Variants in PLD5 observed in about 807,000 individuals in gnomAD.
PLD5 encodes phospholipase D family member 5.
PLD5 carries 36 observed loss-of-function variants against 61.1 expected under a neutral mutation model. The ratio of observed to expected loss-of-function variants is 0.59; its 90% confidence interval spans 0.45 to 0.78. The LOEUF (loss-of-function observed/expected upper bound fraction) is 0.78. PLD5 is among the 30% of genes least tolerant of loss of function. PLD5 has a pLI of 0.00. For synonymous variants in PLD5, 243 were observed against 242.8 expected, an observed-to-expected ratio of 1.00 and a Z score of -0.01; for missense variants, 515 against 644.4, an observed-to-expected ratio of 0.80 and a Z score of 2.17.
At position 242,245,658 on chromosome 1, in the gene PLD5, A is replaced by G. The variant is rs568289736; in HGVS notation, c.607+19679T>C. Among the ~76,000 whole-genome samples the G allele has an allele frequency of 3.5e-4, 54 of 152,318 alleles. 1 individual carries two copies. In the Middle Eastern group the frequency reaches 0.01, roughly 29 times the overall value. ...TTTGAGTCATTCACATTCAACATTC[A>G]TAAGTTGGCATTTTCAGCTGAGAAG... On this transcript the variant is annotated intron_variant, in intron 4 of 9. Coordinates refer to ENST00000536534, the MANE Select transcript of PLD5 (RefSeq NM_001372062.1).
chr1:242,325,423 A>G, intron 2 of PLD5, among the ~76,000 whole-genome samples: 1 of 111,388 alleles, frequency 9.0e-6, no homozygotes, highest in East Asian at 3.1e-4. Context: ...GGAGAGCGAG[A>G]GAAAGGGGTG....
intron 9 of PLD5, among the ~76,000 whole-genome samples, chr1:242,092,955 G>A (rs1038023712): frequency 6.6e-6 from 1 of 152,044 alleles, no homozygotes; most frequent in African/African-American, 2.4e-5. Context: ...GCAGAGAGAG[G>A]GACCTGCCCC....
At chr1:242,316,758 C>T (rs1658024958) in intron 2 of PLD5, among the ~76,000 whole-genome samples, 2 of 152,066 alleles carry the variant, frequency 1.3e-5, no homozygotes, top group Non-Finnish European at 2.9e-5. Context: ...GCTCCTCTCC[C>T]TCCTCCCACC....
At chr1:242,335,916 GTTAT>G in intron 2 of PLD5, among the ~76,000 whole-genome samples, 1 of 152,230 alleles carries the variant, frequency 6.6e-6, no homozygotes, top group East Asian at 1.9e-4. Context: ...TGTGAGTGAT[GTTAT>G]TTATTTTGTT....
chr1:242,201,391 A>G (rs1013506482), intron 5 of PLD5, among the ~76,000 whole-genome samples: 1 of 152,234 alleles, frequency 6.6e-6, no homozygotes, highest in Non-Finnish European at 1.5e-5. Context: ...TATGAAAGCC[A>G]AGAAGTAACA....
At chr1:242,233,920 A>G (rs893076588) in intron 4 of PLD5, among the ~76,000 whole-genome samples, 1 of 152,172 alleles carries the variant, frequency 6.6e-6, no homozygotes, top group African/African-American at 2.4e-5. Context: ...CAGCATTGTG[A>G]AGGAAATATG....
intron 1 of PLD5, among the ~76,000 whole-genome samples, chr1:242,417,232 C>G (rs1205965252): frequency 6.6e-6 from 1 of 152,080 alleles, no homozygotes; most frequent in Non-Finnish European, 1.5e-5. Flanking sequence ...GGAGGTGGGA[C>G]TAAACTCAGG....
chr1:242,387,933 T>C (rs1433931540), intron 1 of PLD5, among the ~76,000 whole-genome samples: 1 of 152,074 alleles, frequency 6.6e-6, no homozygotes. Context: ...GTTGTTTGTT[T>C]ACTGCCACAA....
rs112246103 is a variant in PLD5, at chr1:242,329,273, G to C, written c.326+18833C>G. Among the ~76,000 whole-genome samples the C allele has an allele frequency of 7.9e-3, 1,202 of 152,248 alleles. 14 individuals carry two copies. Among genetic ancestry groups the C allele is most frequent in the African/African-American group, 0.027 (1,137 of 41,534 alleles). On this transcript the variant is annotated intron_variant, in intron 2 of 9. Coordinates refer to ENST00000536534, the MANE Select transcript of PLD5 (RefSeq NM_001372062.1). Reference sequence around the variant, plus strand: ...GATCTACCCGACTCAGCCTCCCAAAGTGCTGGGATTATACGCATGAGCCAC... The same window carrying C: ...GATCTACCCGACTCAGCCTCCCAAACTGCTGGGATTATACGCATGAGCCAC...
At chr1:242,397,740 A>G (rs960135441) in intron 1 of PLD5, among the ~76,000 whole-genome samples, 6 of 150,960 alleles carry the variant, frequency 4.0e-5, no homozygotes, top group African/African-American at 1.5e-4. Context: ...TCCTGTGGGA[A>G]TTCTTCCTGG....
At chr1:242,377,247 G>A in intron 1 of PLD5, 6 of 1,610,942 alleles carry the variant, frequency 3.7e-6, no homozygotes, top group Non-Finnish European at 5.1e-6. Flanking sequence ...TTTGTGCTGA[G>A]GGACGTGTTC....
At chr1:242,467,066 T>C (rs1667299804) in intron 1 of PLD5, among the ~76,000 whole-genome samples, 1 of 152,224 alleles carries the variant, frequency 6.6e-6, no homozygotes, top group South Asian at 2.1e-4. Flanking sequence ...AACAATAATA[T>C]ATTTCAAAAT....
At chr1:242,364,268 T>C (rs397834461) in intron 1 of PLD5, among the ~76,000 whole-genome samples, 9 of 152,222 alleles carry the variant, frequency 5.9e-5, no homozygotes, top group African/African-American at 2.2e-4. Context: ...AATATGTACA[T>C]AGAGGAACTA....
chr1:242,394,563 CATATATATGTGTATATATGTGAA>C (rs1663287295), intron 1 of PLD5, among the ~76,000 whole-genome samples: 1 of 5,280 alleles, frequency 1.9e-4, no homozygotes, highest in South Asian at 7.6e-3. Flanking sequence ...TATATGTGAA[CATATATATGTGTATATATGTGAA>C]CATATATATG....
intron 1 of PLD5, among the ~76,000 whole-genome samples, chr1:242,391,879 A>AC (rs908731118): frequency 6.6e-6 from 1 of 152,174 alleles, no homozygotes; most frequent in Non-Finnish European, 1.5e-5. Context: ...AAACAGAACC[A>AC]CCATTTGACT....
At chr1:242,251,001 G>C (rs900850328) in intron 4 of PLD5, among the ~76,000 whole-genome samples, 1 of 151,998 alleles carries the variant, frequency 6.6e-6, no homozygotes, top group East Asian at 1.9e-4. Flanking sequence ...GTTTCTTTGC[G>C]GGGCAAATAA....
At chr1:242,207,444 C>A (rs1669391619) in intron 5 of PLD5, among the ~76,000 whole-genome samples, 1 of 152,068 alleles carries the variant, frequency 6.6e-6, no homozygotes, top group African/African-American at 2.4e-5. Flanking sequence ...GCATTGGTCC[C>A]AAGCTTATTC....
At chr1:242,133,002 A>AC (rs1449953395) in intron 5 of PLD5, among the ~76,000 whole-genome samples, 3 of 145,792 alleles carry the variant, frequency 2.1e-5, no homozygotes, top group African/African-American at 4.9e-5. Context: ...CTTTGCAGCC[A>AC]CCCCTCCCAC....
At chr1:242,266,720 A>T (rs1018392103) in intron 3 of PLD5, among the ~76,000 whole-genome samples, 2 of 152,246 alleles carry the variant, frequency 1.3e-5, no homozygotes, top group African/African-American at 4.8e-5. Context: ...CTCTGGTAAG[A>T]ATGGACTGTG....
Sources: gnomAD v4.1 joint callset for allele counts (sites outside exome capture counted in the v4.1 genomes callset) on GRCh38, gnomAD v4.1.1 for gene constraint, MANE v1.5 for transcripts, NCBI Gene and HGNC (gene_info 2026-07-23, HGNC 2026-07-21) for gene names.